TJP3: variants seen among roughly 807,000 people sequenced by gnomAD.
TJP3 encodes tight junction protein 3, also known as tight junction protein ZO-3.
A neutral mutation model predicts 104.2 loss-of-function variants in TJP3; 85 were observed. That is an observed-to-expected ratio of 0.82 (90% confidence interval 0.68 to 0.98). The LOEUF is 0.98. Among genes scored for constraint, TJP3 ranks in the 50% least tolerant of loss-of-function variants. The pLI, the probability that TJP3 is intolerant of heterozygous loss-of-function variation, is 0.00. For synonymous variants in TJP3, 550 were observed against 550.6 expected (o/e 1.00, Z 0.02); for missense variants, 1,367 against 1,322.8 (o/e 1.03, Z -0.52).
chr19:3,730,474 CCGGGG>C lies in TJP3; in HGVS notation c.383_387del (p.Arg128LeufsTer2). Reference sequence around the variant, plus strand: ...AGCGGGTGGAGGAGGTGGACCAGGGCCGGGGCTATGACGGCGACTCATCCAGTGGC... The same window carrying C: ...AGCGGGTGGAGGAGGTGGACCAGGGCCTATGACGGCGACTCATCCAGTGGC... On this transcript the variant is annotated frameshift_variant, in exon 5 of 21. Coordinates refer to ENST00000541714, the MANE Select transcript of TJP3 (RefSeq NM_001267560.2). LOFTEE classifies it high-confidence loss of function. This position sits in a 1 kb window ranked among gnomAD's most constrained non-coding sequence, Gnocchi z 7.3. 6.3e-7 allele frequency: 1 copy of C among 1,584,254 alleles called. No individual in the cohort carries two copies. Among genetic ancestry groups the C allele is most frequent in the Non-Finnish European group, 8.6e-7 (1 of 1,165,722 alleles).
intron 7 of TJP3, 101 bp from the exon 8 acceptor site, chr19:3,734,226 T>C: frequency 6.3e-6 from 8 of 1,273,166 alleles, no homozygotes; most frequent in Non-Finnish European, 8.8e-6. Flanking sequence ...GACTTTGGTC[T>C]AGGGCCCTTT....
chr19:3,721,648 G>A (rs145637314), intron 1 of TJP3: 3,664 of 325,198 alleles, frequency 0.011, 35 homozygotes, highest in Middle Eastern at 0.017. Flanking sequence ...GATGGGAGGT[G>A]GGGAGAGAAA....
intron 1 of TJP3, among the ~76,000 whole-genome samples, chr19:3,709,042 C>G (rs901686051): frequency 3.3e-5 from 5 of 152,122 alleles, no homozygotes; most frequent in Non-Finnish European, 7.3e-5. Flanking sequence ...TCTCCCGCCC[C>G]CCAACCCCTC....
In TJP3 at chr19:3,748,314, T is replaced by C. The variant is rs1468720482; in HGVS notation, c.2610+233T>C. Among the ~76,000 whole-genome samples the C allele has an allele frequency of 4.2e-5, 6 of 144,014 alleles. No homozygotes were observed. The East Asian group carries it at 1.1e-3, about 25-fold the overall frequency. 94.5% of individuals were successfully genotyped at this position (144,014 alleles called of 152,430 possible). A position where few individuals can be genotyped will look rare whatever the true frequency, so the allele number is the denominator to read the frequency against. On this transcript the variant is annotated intron_variant, in intron 19 of 20. Transcript: ENST00000541714. ...TGAGACGCAGTCTTGCTCTGTCGCC[T>C]AGGCTGGAGTGCAATGGCGCAATCT...
rs1480249559 is a variant in TJP3, at chr19:3,728,709, C to G, written c.154C>G (p.Leu52Val). 8 of 1,613,172 alleles carry G rather than the reference C, an allele frequency of 5.0e-6. No individual in the cohort carries two copies. The highest frequency in any genetic ancestry group is 6.8e-6 in the Non-Finnish European group (8 of 1,179,916). ...ACCTGGAGGGCCGGCGGAGGGCAGG[C>G]TACAGTGAGTATCCAGGCAGCTGGG... Reference protein sequence around the residue: ...VVPGGPAEGRLQTGDHIVMVN... With the variant: ...VVPGGPAEGRVQTGDHIVMVN... Residue 52 changes from leucine (L) to valine (V), a missense_variant, in exon 3 of 21, where the codon CTA (leucine) becomes GTA (valine). Leu to Val is a conservative substitution (Grantham distance 32). Transcript: ENST00000541714.
At chr19:3,717,405 T>TTA (rs112882829) in intron 1 of TJP3, among the ~76,000 whole-genome samples, 32,309 of 131,352 alleles carry the variant, frequency 0.25, 4,600 homozygotes, top group Admixed American at 0.39. Context: ...CAGCCATAGC[T>TTA]TATATATATA....
chr19:3,748,251 C>T (rs1453712060), intron 19 of TJP3, among the ~76,000 whole-genome samples, 170 bp downstream of exon 19: 1 of 150,552 alleles, frequency 6.6e-6, no homozygotes, highest in African/African-American at 2.4e-5. Flanking sequence ...CCACGTGGCA[C>T]TGAGTAACTT....
intron 12 of TJP3, 38 bp from the exon 13 acceptor site, chr19:3,738,859 C>G: frequency 6.5e-7 from 1 of 1,528,044 alleles, no homozygotes; most frequent in African/African-American, 1.4e-5. Flanking sequence ...GATCAGGCAG[C>G]AGCCCAGGCA....
chr19:3,721,640 T>C, intron 1 of TJP3: 1 of 310,244 alleles, frequency 3.2e-6, no homozygotes, highest in Non-Finnish European at 5.9e-6. Context: ...GCTCCTGTGA[T>C]GGGAGGTGGG....
chr19:3,732,578 C>T (rs549600282), intron 6 of TJP3, among the ~76,000 whole-genome samples: 47 of 150,358 alleles, frequency 3.1e-4, no homozygotes, highest in African/African-American at 9.8e-4. Context: ...GGCGCAATCT[C>T]GGCTCACTGC....
intron 13 of TJP3, among the ~76,000 whole-genome samples, chr19:3,739,774 C>T (rs1275010040): frequency 6.6e-6 from 1 of 152,174 alleles, no homozygotes; most frequent in Admixed American, 6.5e-5. Context: ...AGAGGGGCCG[C>T]ATCCCTCAGC....
In TJP3 at chr19:3,729,502, C is replaced by T. The variant is rs773800336; in HGVS notation, c.159-526C>T. 4.4e-4 allele frequency among the ~76,000 whole-genome samples: 67 copies of T among 152,020 alleles called. 1 individual carries two copies. The highest frequency in any genetic ancestry group is 1.5e-3 in the African/African-American group (64 of 41,464). On this transcript the variant is annotated intron_variant, in intron 3 of 20. Coordinates refer to ENST00000541714, the MANE Select transcript of TJP3 (RefSeq NM_001267560.2). ...CCAGGTGTAGCTGTAGCTTCAAGGC[C>T]GGGTGCAGTGGCTCACACCTGCAAT...
At chr19:3,718,400 G>C (rs1264978394) in intron 1 of TJP3, among the ~76,000 whole-genome samples, 1 of 148,122 alleles carries the variant, frequency 6.8e-6, no homozygotes, top group Non-Finnish European at 1.5e-5. Context: ...TTATTTTAAA[G>C]ACGCTGAAGT....
rs1458920866 is a variant in TJP3 at position 3,717,346 on chromosome 19, G to A, written c.-10+8785G>A. Among the ~76,000 whole-genome samples the A allele has an allele frequency of 8.1e-5, 10 of 123,242 alleles. 1 individual carries two copies. The highest frequency in any genetic ancestry group is 6.3e-4 in the South Asian group (2 of 3,162). 80.9% of individuals were successfully genotyped at this position (123,242 alleles called of 152,430 possible). On this transcript the variant is annotated intron_variant, in intron 1 of 20. Transcript: ENST00000541714. ...TCAAACTCCTGACCTCAAGTGATTC[G>A]GCCGCCTTGGCCATCCAAAGTGGGA...
chr19:3,730,763 G>A lies in TJP3; in HGVS notation c.613+57G>A, dbSNP rs910076793. 81 of 1,513,064 alleles carry A rather than the reference G, an allele frequency of 5.4e-5. No homozygotes were observed. In the East Asian group the frequency reaches 1.1e-3, roughly 21 times the overall value. The allele number at this position is 1,513,064 out of a possible 1,614,324, so 93.7% of individuals were successfully genotyped here. A position where few individuals can be genotyped will look rare whatever the true frequency, so the allele number is the denominator to read the frequency against. ...GTACTGGACACAGGGCACCGTGGTC[G>A]GATGGGCGACGGTTTCAAGTGATTC... is the stretch of plus-strand genomic sequence containing the variant. On this transcript the variant is annotated intron_variant, in intron 5 of 20. Transcript: ENST00000541714. This position sits in a 1 kb window ranked among gnomAD's most constrained non-coding sequence, Gnocchi z 7.3.
intron 1 of TJP3, among the ~76,000 whole-genome samples, chr19:3,723,268 G>C (rs1208265361): frequency 6.6e-6 from 1 of 152,164 alleles, no homozygotes. Context: ...AAGGATGTAT[G>C]ATATGCGTAC....
At chr19:3,724,062 GGA>G in intron 1 of TJP3, among the ~76,000 whole-genome samples, 1 of 152,094 alleles carries the variant, frequency 6.6e-6, no homozygotes. Flanking sequence ...CAGGCACTGT[GGA>G]GCTCTGGAGG....
rs928536827 is a variant in TJP3 at position 3,739,127 on chromosome 19, C to G, written c.1624C>G (p.Gln542Glu). 1.3e-6 allele frequency: 2 copies of G among 1,555,516 alleles called. No individual in the cohort carries two copies. Among genetic ancestry groups the G allele is most frequent in the Non-Finnish European group, 1.7e-6 (2 of 1,148,748 alleles). Reference protein sequence around the residue: ...REQERGIIPNQSRAEQLASLE... With the variant: ...REQERGIIPNESRAEQLASLE... ...GCAAGAGCGGGGCATCATTCCCAAC[C>G]AGAGCAGGTGGGGACTGTGTGCTCC... Residue 542 changes from glutamine (Q) to glutamate (E), a missense_variant, in exon 13 of 21, where the codon CAG becomes GAG. Transcript: ENST00000541714.
intron 10 of TJP3, 64 bp downstream of exon 10, chr19:3,735,999 C>T: frequency 3.7e-6 from 6 of 1,601,680 alleles, no homozygotes; most frequent in Non-Finnish European, 5.1e-6. Context: ...CCTCCCTCAT[C>T]AGCGCAATCC....
Sources: allele counts gnomAD v4.1 joint callset (sites outside exome capture counted in the v4.1 genomes callset), GRCh38; gene constraint gnomAD v4.1.1; non-coding constraint Gnocchi (gnomAD v3.1); transcripts MANE v1.5; gene names NCBI Gene and HGNC (gene_info 2026-07-23, HGNC 2026-07-21).